DPY19L2: variants seen among roughly 807,000 people sequenced by gnomAD.
The protein encoded by DPY19L2 is dpy-19 like 2.
Under a neutral mutation model 97.9 loss-of-function variants are expected in DPY19L2, and 34 were observed. The observed-to-expected ratio is 0.35, with a 90% confidence interval of 0.26 to 0.46. DPY19L2 has a LOEUF of 0.46. DPY19L2 is among the 20% of genes least tolerant of loss of function. The probability of loss-of-function intolerance (pLI) is 1.00; values close to 1 mark genes in which losing one functional copy is unlikely to be tolerated. For missense variants in DPY19L2, 623 were observed against 911.4 expected (o/e 0.68, Z 4.07); for synonymous variants, 230 against 307.9 (o/e 0.75, Z 2.65).
intron 21 of DPY19L2, among the ~76,000 whole-genome samples, chr12:63,568,038 G>T (rs972462285): frequency 6.6e-6 from 1 of 151,954 alleles, no homozygotes; most frequent in African/African-American, 2.4e-5. Context: ...TCAAACTTGA[G>T]AAATTTTTGG....
intron 6 of DPY19L2, among the ~76,000 whole-genome samples, chr12:63,641,509 CTA>C (rs1336166272): frequency 6.6e-6 from 1 of 152,002 alleles, no homozygotes. Context: ...ACATATCAAA[CTA>C]TGATTTACTT....
chr12:63,594,494 T>C (rs1883794453), intron 15 of DPY19L2, among the ~76,000 whole-genome samples: 1 of 144,658 alleles, frequency 6.9e-6, no homozygotes, highest in South Asian at 2.2e-4. Context: ...TGTGTGTGTA[T>C]GAAACTTGGC....
intron 6 of DPY19L2, among the ~76,000 whole-genome samples, chr12:63,636,104 A>AG (rs140807061): frequency 0.66 from 99,875 of 151,790 alleles, 33,255 homozygotes; most frequent in African/African-American, 0.74. Flanking sequence ...ACAAGCCAGA[A>AG]GGGGGGGCGG....
intron 6 of DPY19L2, among the ~76,000 whole-genome samples, chr12:63,635,771 C>G (rs1379191531): frequency 3.3e-5 from 5 of 152,070 alleles, no homozygotes; most frequent in South Asian, 2.1e-4. Context: ...AGAAATATGG[C>G]ACTATATGAA....
intron 6 of DPY19L2, among the ~76,000 whole-genome samples, chr12:63,633,760 C>G (rs1340341034): frequency 6.6e-6 from 1 of 152,132 alleles, no homozygotes; most frequent in Admixed American, 6.5e-5. Context: ...AAGACACATG[C>G]ACACGTATGT....
chr12:63,649,378 C>T (rs984676472), intron 4 of DPY19L2, among the ~76,000 whole-genome samples: 1 of 151,964 alleles, frequency 6.6e-6, no homozygotes, highest in African/African-American at 2.4e-5. Flanking sequence ...AAAAGATCAA[C>T]AAAACCACAA....
At chr12:63,616,865 T>G (rs1887927038) in intron 11 of DPY19L2, among the ~76,000 whole-genome samples, 1 of 152,058 alleles carries the variant, frequency 6.6e-6, no homozygotes, top group African/African-American at 2.4e-5. Context: ...TCACAAAATT[T>G]TGGTCATTTC....
At chr12:63,656,700 T>A (rs964497957) in intron 4 of DPY19L2, among the ~76,000 whole-genome samples, 1 of 152,172 alleles carries the variant, frequency 6.6e-6, no homozygotes, top group Non-Finnish European at 1.5e-5. Context: ...ATATTTGATA[T>A]GGTGTCACAG....
intron 12 of DPY19L2, among the ~76,000 whole-genome samples, 181 bp downstream of exon 12, chr12:63,608,435 C>G (rs1886416040): frequency 6.6e-6 from 1 of 152,156 alleles, no homozygotes; most frequent in Non-Finnish European, 1.5e-5. Context: ...AAAATGATTT[C>G]TAGTCCTTGC....
intron 11 of DPY19L2, among the ~76,000 whole-genome samples, chr12:63,610,497 C>A (rs1200813316): frequency 1.3e-5 from 2 of 151,338 alleles, no homozygotes; most frequent in African/African-American, 4.9e-5. Flanking sequence ...CAATTATATG[C>A]CAACAAATTA....
intron 12 of DPY19L2, among the ~76,000 whole-genome samples, chr12:63,607,100 T>C (rs1167356125): frequency 6.6e-6 from 1 of 152,166 alleles, no homozygotes; most frequent in Non-Finnish European, 1.5e-5. Context: ...TCCTTAGATT[T>C]TTTGTTTCTT....
chr12:63,634,079 G>A (rs781079328), intron 6 of DPY19L2, among the ~76,000 whole-genome samples: 2 of 149,502 alleles, frequency 1.3e-5, no homozygotes, highest in African/African-American at 4.9e-5. Flanking sequence ...GCGGGGAAGG[G>A]GGAGGGATAG....
At chr12:63,580,927 G>A (rs1050572069) in intron 18 of DPY19L2, 91 bp from the exon 19 acceptor site, 29 of 1,332,170 alleles carry the variant, frequency 2.2e-5, no homozygotes, top group Non-Finnish European at 2.9e-5. Context: ...TCAAACCAAT[G>A]TGAATTACCC....
chr12:63,572,370 TTGTC>T (rs1242891311), intron 19 of DPY19L2, among the ~76,000 whole-genome samples: 1 of 152,094 alleles, frequency 6.6e-6, no homozygotes, highest in South Asian at 2.1e-4. Context: ...GGGAAGGACT[TTGTC>T]TGGTGGTTTC....
intron 19 of DPY19L2, among the ~76,000 whole-genome samples, chr12:63,575,272 G>A (rs1361874014): frequency 3.3e-5 from 5 of 151,854 alleles, no homozygotes; most frequent in Admixed American, 2.6e-4. Context: ...TGAAACAAAC[G>A]ATAATGAAAA....
intron 6 of DPY19L2, 110 bp downstream of exon 6, chr12:63,644,293 T>G: frequency 1.4e-6 from 2 of 1,402,192 alleles, no homozygotes; most frequent in South Asian, 1.7e-5. Flanking sequence ...ATCCACAAAC[T>G]TTCCTGATAT....
intron 5 of DPY19L2, among the ~76,000 whole-genome samples, chr12:63,646,751 T>C (rs539477362): frequency 6.6e-6 from 1 of 152,140 alleles, no homozygotes; most frequent in Non-Finnish European, 1.5e-5. Context: ...AAGAAACCAA[T>C]GTAGAAGATA....
intron 6 of DPY19L2, among the ~76,000 whole-genome samples, chr12:63,631,585 C>CA (rs878878822): frequency 2.6e-5 from 4 of 151,842 alleles, no homozygotes; most frequent in Non-Finnish European, 4.4e-5. Flanking sequence ...GCCTACCAAC[C>CA]AAAAAAAGTC....
chr12:63,579,833 A>T (rs1306287406), intron 19 of DPY19L2, among the ~76,000 whole-genome samples: 1 of 152,130 alleles, frequency 6.6e-6, no homozygotes, highest in East Asian at 1.9e-4. Context: ...GATTTACCTT[A>T]ATGAAGGTTA....
Sources: allele counts gnomAD v4.1 joint callset (sites outside exome capture counted in the v4.1 genomes callset), GRCh38; gene constraint gnomAD v4.1.1; transcripts MANE v1.5; gene names NCBI Gene and HGNC (gene_info 2026-07-23, HGNC 2026-07-21).